The following PLXNC1 variants were observed in gnomAD, a reference collection of about 807,000 sequenced individuals.
The protein encoded by PLXNC1 is plexin C1, also known as plexin-C1.
Under a neutral mutation model 178.2 loss-of-function variants are expected in PLXNC1, and 75 were observed. That is an observed-to-expected ratio of 0.42 (90% confidence interval 0.35 to 0.51). The LOEUF (loss-of-function observed/expected upper bound fraction) is 0.51. Among genes scored for constraint, PLXNC1 ranks in the 20% least tolerant of loss-of-function variants. The probability of loss-of-function intolerance (pLI) is 0.02; values close to 1 mark genes in which losing one functional copy is unlikely to be tolerated. For missense variants in PLXNC1, 1,503 were observed against 1,984.4 expected (o/e 0.76, Z 4.61); for synonymous variants, 790 against 779.9 (o/e 1.01, Z -0.22).
rs750717619 is a variant in PLXNC1, at chr12:94,307,039, A to G, written c.*1754A>G. ...AGCCAAGGGTAGGAGAGTTGCCCAA[A>G]AGACTTCCCCTACTACTTTAGGGTA... is the stretch of plus-strand genomic sequence containing the variant. On this transcript the variant is annotated 3_prime_UTR_variant, in exon 31 of 31. Transcript: ENST00000258526. 1 of 152,184 alleles carries G rather than the reference A, an allele frequency of 6.6e-6. No individual in the cohort carries two copies. The highest frequency in any genetic ancestry group is 1.5e-5 in the Non-Finnish European group (1 of 68,040). The allele number at this position is 152,184 out of a possible 1,614,324, so 9.4% of individuals were successfully genotyped here.
chr12:94,177,965 A>G (rs1962163931), intron 2 of PLXNC1, among the ~76,000 whole-genome samples: 1 of 152,242 alleles, frequency 6.6e-6, no homozygotes, highest in Non-Finnish European at 1.5e-5. Flanking sequence ...TAATGCCATG[A>G]TCACAGCTAA....
chr12:94,226,729 T>C, intron 8 of PLXNC1, 22 bp downstream of exon 8: 2 of 1,553,456 alleles, frequency 1.3e-6, no homozygotes, highest in Non-Finnish European at 8.9e-7. Context: ...TTTTTGGTAT[T>C]GTAAGTCTTA....
chr12:94,282,247 A>G (rs931594148), intron 22 of PLXNC1, 51 bp from the exon 23 acceptor site: 2 of 1,240,004 alleles, frequency 1.6e-6, no homozygotes, highest in Non-Finnish European at 2.4e-6. Context: ...GTGAAAGTAA[A>G]GTGGTGGCAT....
chr12:94,294,883 A>G (rs778802898), intron 24 of PLXNC1, among the ~76,000 whole-genome samples: 39 of 152,298 alleles, frequency 2.6e-4, no homozygotes, highest in Middle Eastern at 3.4e-3. Context: ...CTGAGAGGGA[A>G]GAGTACAGAC....
chr12:94,265,490 T>C (rs1426395315), intron 21 of PLXNC1, among the ~76,000 whole-genome samples: 2 of 152,240 alleles, frequency 1.3e-5, no homozygotes, highest in African/African-American at 4.8e-5. Context: ...GGATTGCTTA[T>C]AACTTTCAGT....
At chr12:94,251,111 C>T (rs1196984889) in intron 14 of PLXNC1, among the ~76,000 whole-genome samples, 1 of 99,408 alleles carries the variant, frequency 1.0e-5, no homozygotes, top group Non-Finnish European at 2.1e-5. Flanking sequence ...TTCTTGCCTA[C>T]AGGTTACTAC....
At chr12:94,190,153 TGGTTTCAGTAATATTGAGAA>T (rs1962669300) in intron 4 of PLXNC1, among the ~76,000 whole-genome samples, 1 of 152,072 alleles carries the variant, frequency 6.6e-6, no homozygotes, top group Admixed American at 6.5e-5. Context: ...GAAGGAGAGC[TGGTTTCAGTAATATTGAGAA>T]GGGGAAAGGA....
intron 9 of PLXNC1, among the ~76,000 whole-genome samples, chr12:94,228,746 A>G (rs1964013748): frequency 6.6e-6 from 1 of 152,074 alleles, no homozygotes; most frequent in South Asian, 2.1e-4. Flanking sequence ...CTTCTTTTCT[A>G]AGGTTGACTA....
intron 21 of PLXNC1, among the ~76,000 whole-genome samples, chr12:94,275,313 A>G (rs948033732): frequency 1.3e-5 from 2 of 152,250 alleles, no homozygotes; most frequent in Admixed American, 1.3e-4. Context: ...TAAATAGGGC[A>G]GGAGAACATG....
At chr12:94,298,565 CTATTA>C in intron 26 of PLXNC1, 62 bp from the exon 27 acceptor site, 1 of 1,244,184 alleles carries the variant, frequency 8.0e-7, no homozygotes, top group Non-Finnish European at 1.1e-6. Context: ...TTTGCTTTTG[CTATTA>C]TGTTTTCAAA....
chr12:94,280,165 G>C (rs1966329972), intron 22 of PLXNC1: 1 of 232,130 alleles, frequency 4.3e-6, no homozygotes, highest in Non-Finnish European at 8.7e-6. Flanking sequence ...GTGTGCAGCA[G>C]CATCTGCTAT....
intron 6 of PLXNC1, among the ~76,000 whole-genome samples, chr12:94,221,994 A>G (rs1056004870): frequency 2.0e-5 from 3 of 152,182 alleles, no homozygotes; most frequent in African/African-American, 7.2e-5. Context: ...TTCAAAAGGC[A>G]ATTTAATGCA....
Position 94,149,816 on chromosome 12 carries a change from A to G in PLXNC1, c.845A>G (p.Asp282Gly). The change falls in exon 1 of 31, where the codon GAC becomes GGC. Residue 282 changes from aspartate (D) to glycine (G), a missense_variant. By Grantham distance (94) the Asp-to-Gly change is moderately conservative. This residue lies in a region of PLXNC1 where 615 missense variants were observed against 698.6 expected (regional missense o/e 0.88). Transcript: ENST00000258526. ...CTGTTCCAGGGCCAGGCATCCCTCG[A>G]CTGCGGCCACGGCCACCCCGACGGC... ...EVLFQGQASL[D>G]CGHGHPDGRR... 6.2e-7 allele frequency: 1 copy of G among 1,601,946 alleles called. No homozygotes were observed. The highest frequency in any genetic ancestry group is 8.5e-7 in the Non-Finnish European group (1 of 1,175,786).
At chr12:94,184,123 C>CTT (rs1239051241) in intron 3 of PLXNC1, among the ~76,000 whole-genome samples, 1 of 36,898 alleles carries the variant, frequency 2.7e-5, no homozygotes, top group African/African-American at 7.2e-5. Flanking sequence ...CTCTCTCTCT[C>CTT]TCTTTTTTTT....
chr12:94,306,685 T>C lies in PLXNC1; in HGVS notation c.*1400T>C, dbSNP rs1290809756. The C allele has an allele frequency of 1.3e-5, 2 of 152,244 alleles. No homozygotes were observed. Among genetic ancestry groups the C allele is most frequent in the African/African-American group, 4.8e-5 (2 of 41,474 alleles). 9.4% of individuals were successfully genotyped at this position (152,244 alleles called of 1,614,324 possible). A position where few individuals can be genotyped will look rare whatever the true frequency, so the allele number is the denominator to read the frequency against. ...TGATCACATATTCCTTGAAATCATT[T>C]ACCAACACTGTATGGAGCATTAGGA... On this transcript the variant is annotated 3_prime_UTR_variant, in exon 31 of 31. Coordinates refer to ENST00000258526, the MANE Select transcript of PLXNC1 (RefSeq NM_005761.3).
intron 1 of PLXNC1, among the ~76,000 whole-genome samples, chr12:94,166,352 C>G (rs1961609683): frequency 6.6e-6 from 1 of 152,078 alleles, no homozygotes; most frequent in African/African-American, 2.4e-5. Context: ...GAGGAGAAAA[C>G]TGAGTCACAG....
Position 94,297,348 on chromosome 12 carries a change from G to T in PLXNC1, c.3999G>T (p.Val1333=). The T allele has an allele frequency of 6.2e-7, 1 of 1,614,054 alleles. No homozygotes were observed. The highest frequency in any genetic ancestry group is 1.1e-5 in the South Asian group (1 of 91,076). The change falls in exon 26 of 31, where the codon GTG becomes GTT. Residue 1333 remains valine, a synonymous_variant. Coordinates refer to ENST00000258526, the MANE Select transcript of PLXNC1 (RefSeq NM_005761.3). The part of the protein sequence containing the change: ...ILPDSEAFQD[V]QGKRHRGKHK... ...CAGATTCGGAAGCATTCCAAGATGTGCAAGGAAAGAGACATCGAGGGAAGC... is the reference window on the plus strand; with the variant it reads ...CAGATTCGGAAGCATTCCAAGATGTTCAAGGAAAGAGACATCGAGGGAAGC...
Position 94,209,710 on chromosome 12 carries a change from AG to A in PLXNC1, c.1554+8del. The A allele has an allele frequency of 6.5e-7, 1 of 1,534,636 alleles. No homozygotes were observed. The highest frequency in any genetic ancestry group is 1.1e-5 in the South Asian group (1 of 89,030). On this transcript the variant is annotated splice_region_variant and intron_variant, in intron 5 of 30. Coordinates refer to ENST00000258526, the MANE Select transcript of PLXNC1 (RefSeq NM_005761.3). ...TTCGAAGCAGTAAAGAAAAGGTAAG[AG>A]GAAAGATTTTAATTTGTCCTCGTTG...
Position 94,149,889 on chromosome 12 carries a change from G to C in PLXNC1, c.918G>C (p.Trp306Cys). Residue 306 changes from tryptophan to cysteine, a missense_variant, in exon 1 of 31, where the codon TGG becomes TGC. Trp to Cys is a radical substitution (Grantham distance 215, BLOSUM62 -2). Around this residue, in one of 4 missense-constraint regions of PLXNC1, gnomAD observed 615 missense variants for 698.6 expected, o/e 0.88. Coordinates refer to ENST00000258526, the MANE Select transcript of PLXNC1 (RefSeq NM_005761.3). ...SSSLVEALDV[W>C]AGVFSAAAGE... ...GCCTAGTGGAGGCCCTGGACGTCTG[G>C]GCGGGAGTGTTCAGCGCGGCCGCTG... 1.9e-6 allele frequency: 3 copies of C among 1,588,948 alleles called. No individual in the cohort carries two copies. The highest frequency in any genetic ancestry group is 2.6e-6 in the Non-Finnish European group (3 of 1,168,460).
Sources: allele counts gnomAD v4.1 joint callset (sites outside exome capture counted in the v4.1 genomes callset), GRCh38; gene constraint gnomAD v4.1.1; regional missense constraint gnomAD v4.1.1; transcripts MANE v1.5; gene names NCBI Gene and HGNC (gene_info 2026-07-23, HGNC 2026-07-21).